Variants in R3HCC1L observed in about 807,000 individuals in gnomAD.
R3HCC1L encodes the protein coiled-coil domain-containing protein R3HCC1L.
In R3HCC1L, 51 loss-of-function variants were observed where a neutral mutation model predicts 59.9. The observed-to-expected ratio is 0.85, with a 90% confidence interval of 0.68 to 1.07. The LOEUF (loss-of-function observed/expected upper bound fraction) is 1.07, where lower values mean the gene tolerates loss of function less well. R3HCC1L is among the 50% of genes least tolerant of loss of function. The pLI, the probability that R3HCC1L is intolerant of heterozygous loss-of-function variation, is 0.00. For synonymous variants in R3HCC1L, 322 were observed against 315.2 expected (o/e 1.02, Z -0.23); for missense variants, 965 against 933.0 (o/e 1.03, Z -0.45).
Position 98,167,635 on chromosome 10 carries a change from C to T in R3HCC1L, c.-15+4238C>T, listed in dbSNP as rs141158419. The stretch of plus-strand genomic sequence containing the variant: ...TCTGGGCTATGCATTTTTACCCCAA[C>T]ATAATTTTTAGAAGATATGTGTTTT... On this transcript the variant is annotated intron_variant, in intron 4 of 9. Transcript: ENST00000298999. 1.1e-3 allele frequency among the ~76,000 whole-genome samples: 170 copies of T among 152,350 alleles called. 1 individual carries two copies. Among genetic ancestry groups the T allele is most frequent in the African/African-American group, 4.0e-3 (167 of 41,580 alleles).
At position 98,173,065 on chromosome 10, in the gene R3HCC1L, G is replaced by C. The variant is rs560152832; in HGVS notation, c.-15+9668G>C. On this transcript the variant is annotated intron_variant, in intron 4 of 9. Coordinates refer to ENST00000298999, the MANE Select transcript of R3HCC1L (RefSeq NM_001351015.2). ...ATCAAAATTTTTACCTAGATTGTTA[G>C]GTTGCAGAAATGGAATTTTCATTCT... 1.4e-3 allele frequency among the ~76,000 whole-genome samples: 218 copies of C among 152,142 alleles called. 2 individuals carry two copies. The highest frequency in any genetic ancestry group is 0.013 in the South Asian group (63 of 4,800).
At chr10:98,175,505 G>A (rs1344616841) in intron 4 of R3HCC1L, among the ~76,000 whole-genome samples, 1 of 152,000 alleles carries the variant, frequency 6.6e-6, no homozygotes, top group Non-Finnish European at 1.5e-5. Flanking sequence ...GGCAACCAGT[G>A]GTATGTTTTC....
In R3HCC1L at chr10:98,151,629, A is replaced by G. The variant is rs147753910; in HGVS notation, c.-267-4464A>G. Among the ~76,000 whole-genome samples, 65 of 152,330 alleles carry G rather than the reference A, an allele frequency of 4.3e-4. No individual in the cohort carries two copies. In the East Asian group the frequency reaches 9.5e-3, roughly 22 times the overall value. ...AAAATTGGAGCTCAATAGATGAGAC[A>G]TAGAGATATGTTTTTTAAGACTGTT... On this transcript the variant is annotated intron_variant, in intron 1 of 9. Transcript: ENST00000298999.
chr10:98,227,135 A>T (rs1855757147), intron 5 of R3HCC1L, among the ~76,000 whole-genome samples: 1 of 152,186 alleles, frequency 6.6e-6, no homozygotes, highest in Non-Finnish European at 1.5e-5. Flanking sequence ...ATTCTTTTAA[A>T]GTGGGTTTAC....
At chr10:98,218,035 C>A (rs1043765362) in intron 5 of R3HCC1L, among the ~76,000 whole-genome samples, 1 of 152,092 alleles carries the variant, frequency 6.6e-6, no homozygotes, top group African/African-American at 2.4e-5. Context: ...TCTAGGACTT[C>A]AAGTACTACG....
At chr10:98,137,257 T>G (rs1319592587) in intron 1 of R3HCC1L, among the ~76,000 whole-genome samples, 1 of 152,230 alleles carries the variant, frequency 6.6e-6, no homozygotes, top group Non-Finnish European at 1.5e-5. Flanking sequence ...ATTTTCCGAT[T>G]AGGGATTCTC....
intron 4 of R3HCC1L, among the ~76,000 whole-genome samples, chr10:98,172,758 C>T (rs188058663): frequency 2.0e-5 from 3 of 152,332 alleles, no homozygotes; most frequent in Admixed American, 2.0e-4. Context: ...GCAGCAAGTG[C>T]AGTCTCCTTC....
intron 1 of R3HCC1L, among the ~76,000 whole-genome samples, chr10:98,136,940 G>A (rs957314615): frequency 3.9e-5 from 6 of 152,276 alleles, no homozygotes; most frequent in Non-Finnish European, 7.3e-5. Flanking sequence ...GCTGGGCGCG[G>A]TGGCGCACGT....
At chr10:98,173,091 CTT>C (rs766194029) in intron 4 of R3HCC1L, among the ~76,000 whole-genome samples, 60 of 152,074 alleles carry the variant, frequency 3.9e-4, no homozygotes, top group Non-Finnish European at 7.2e-4. Context: ...TTTTCATTCT[CTT>C]ATTTCTTTCT....
At chr10:98,167,653 T>G (rs115533325) in intron 4 of R3HCC1L, among the ~76,000 whole-genome samples, 5 of 152,220 alleles carry the variant, frequency 3.3e-5, no homozygotes, top group Non-Finnish European at 7.3e-5. Flanking sequence ...TTAGAAGATA[T>G]GTGTTTTAGT....
chr10:98,213,765 G>A (rs144469883), intron 5 of R3HCC1L, among the ~76,000 whole-genome samples: 5 of 152,030 alleles, frequency 3.3e-5, no homozygotes, highest in Admixed American at 6.5e-5. Context: ...CTCACCTGTC[G>A]TTCTAATTTT....
chr10:98,194,774 C>T (rs892487538), intron 4 of R3HCC1L, among the ~76,000 whole-genome samples: 3 of 145,576 alleles, frequency 2.1e-5, no homozygotes, highest in Admixed American at 6.8e-5. Flanking sequence ...AAGATATTAT[C>T]TCACACCTAA....
intron 4 of R3HCC1L, among the ~76,000 whole-genome samples, chr10:98,169,884 CT>C (rs1195433216): frequency 0.014 from 1,786 of 128,346 alleles, 23 homozygotes; most frequent in African/African-American, 0.033. Context: ...CTAACACAAC[CT>C]TTTTTTTTTT....
At chr10:98,199,252 A>G (rs919265447) in intron 4 of R3HCC1L, among the ~76,000 whole-genome samples, 3 of 151,978 alleles carry the variant, frequency 2.0e-5, no homozygotes, top group African/African-American at 4.8e-5. Flanking sequence ...CGAGTAATTT[A>G]TGTGCTGCTT....
rs34530959 is a variant in R3HCC1L at position 98,208,913 on chromosome 10, A to T, written c.799A>T (p.Thr267Ser). ...LNPSSGGITT[T>S]SVPGSPDGVF... ...TCCCAGCAGCGGAGGCATCACCACT[A>T]CTTCTGTTCCTGGAAGTCCAGATGG... The change falls in exon 5 of 10, where the codon ACT (threonine) becomes TCT (serine). Residue 267 changes from threonine to serine, a missense_variant. Transcript: ENST00000298999. 8.7e-6 allele frequency: 14 copies of T among 1,614,078 alleles called. No homozygotes were observed. The African/African-American group carries it at 1.3e-4, about 15-fold the overall frequency.
chr10:98,140,033 A>T (rs1366843620), intron 1 of R3HCC1L, among the ~76,000 whole-genome samples: 1 of 152,038 alleles, frequency 6.6e-6, no homozygotes, highest in Non-Finnish European at 1.5e-5. Flanking sequence ...ATGACCATTT[A>T]ACCTGTGCAG....
intron 1 of R3HCC1L, among the ~76,000 whole-genome samples, chr10:98,147,910 A>G (rs1467840118): frequency 6.6e-6 from 1 of 152,064 alleles, no homozygotes; most frequent in African/African-American, 2.4e-5. Flanking sequence ...ATGATTCTGT[A>G]TAATTTTTTT....
chr10:98,211,219 C>G (rs529255169), intron 5 of R3HCC1L: 1 of 813,636 alleles, frequency 1.2e-6, no homozygotes, highest in South Asian at 1.6e-5. Flanking sequence ...AGTATGGTCC[C>G]TAGACCAGCA....
intron 4 of R3HCC1L, among the ~76,000 whole-genome samples, chr10:98,182,899 G>T (rs1217628724): frequency 1.3e-5 from 2 of 152,184 alleles, no homozygotes. Flanking sequence ...TTAGAAAAGT[G>T]CGGTATTTGG....
Sources: gnomAD v4.1 joint callset for allele counts (sites outside exome capture counted in the v4.1 genomes callset) on GRCh38, gnomAD v4.1.1 for gene constraint, MANE v1.5 for transcripts, NCBI Gene and HGNC (gene_info 2026-07-23, HGNC 2026-07-21) for gene names.